COL28A1: variants seen among roughly 807,000 people sequenced by gnomAD.
COL28A1 encodes the protein collagen type XXVIII alpha 1 chain.
COL28A1 carries 161 observed loss-of-function variants against 150.2 expected under a neutral mutation model. That is an observed-to-expected ratio of 1.07 (90% CI 0.94 to 1.22). The LOEUF is 1.22. Ranked by LOEUF, COL28A1 falls within the 50% of genes most tolerant of loss-of-function variation. The pLI is 0.00. For missense variants in COL28A1, 1,617 were observed against 1,388.3 expected (o/e 1.16, Z -2.62); for synonymous variants, 552 against 469.7 (o/e 1.18, Z -2.26).
chr7:7,419,333 C>G (rs978999274), intron 26 of COL28A1, among the ~76,000 whole-genome samples: 9 of 152,002 alleles, frequency 5.9e-5, no homozygotes, highest in South Asian at 2.1e-4. Flanking sequence ...TTCTCTGAAG[C>G]CAGGGAAGGG....
At chr7:7,471,368 A>G (rs1338900086) in intron 15 of COL28A1, among the ~76,000 whole-genome samples, 2 of 152,196 alleles carry the variant, frequency 1.3e-5, no homozygotes, top group Non-Finnish European at 2.9e-5. Flanking sequence ...GAATCATTCT[A>G]TGAAGCCAGT....
At chr7:7,343,991 G>A in the COL28A1 span, among the ~76,000 whole-genome samples, 2 of 151,646 alleles carry the variant, frequency 1.3e-5, no homozygotes, top group Non-Finnish European at 2.9e-5. Context: ...GGGTGACAGA[G>A]TGAGACCCTA....
At chr7:7,379,121 G>A (rs950617271) in intron 30 of COL28A1, among the ~76,000 whole-genome samples, 1 of 152,176 alleles carries the variant, frequency 6.6e-6, no homozygotes, top group African/African-American at 2.4e-5. Flanking sequence ...TGGCCCCAAG[G>A]ACTTCTAACC....
chr7:7,410,288 T>A (rs1783708720), intron 27 of COL28A1, among the ~76,000 whole-genome samples: 3 of 152,308 alleles, frequency 2.0e-5, no homozygotes, highest in South Asian at 4.1e-4. Context: ...ACGCTTTCAA[T>A]GTCTATAACC....
At chr7:7,390,246 C>T (rs4452714) in intron 27 of COL28A1, among the ~76,000 whole-genome samples, 115,017 of 152,034 alleles carry the variant, frequency 0.76, 43,652 homozygotes, top group Middle Eastern at 0.8. Flanking sequence ...TCTATTGAGA[C>T]AATCATGTGG....
the COL28A1 span, among the ~76,000 whole-genome samples, chr7:7,341,159 A>G: frequency 2.6e-5 from 4 of 151,932 alleles, no homozygotes; most frequent in African/African-American, 9.7e-5. Context: ...AAATTATACG[A>G]CTCCAGACAC....
intron 14 of COL28A1, among the ~76,000 whole-genome samples, chr7:7,475,484 C>T (rs74747962): frequency 2.0e-5 from 3 of 152,236 alleles, no homozygotes; most frequent in African/African-American, 7.2e-5. Context: ...GCACGGAACA[C>T]GATGTGTTCT....
chr7:7,494,443 T>A (rs2128373692), intron 11 of COL28A1, among the ~76,000 whole-genome samples: 1 of 152,328 alleles, frequency 6.6e-6, no homozygotes, highest in African/African-American at 2.4e-5. Context: ...ACTAACAATT[T>A]TAGCTTTTGC....
chr7:7,516,954 T>C (rs562326517), intron 7 of COL28A1, among the ~76,000 whole-genome samples: 1 of 152,082 alleles, frequency 6.6e-6, no homozygotes, highest in Non-Finnish European at 1.5e-5. Context: ...GTGTGGTCAA[T>C]GAGGAATAGA....
At chr7:7,500,878 G>A (rs1159138894) in intron 11 of COL28A1, among the ~76,000 whole-genome samples, 1 of 152,158 alleles carries the variant, frequency 6.6e-6, no homozygotes, top group African/African-American at 2.4e-5. Flanking sequence ...AAAAACTGTG[G>A]TGTGGTGCAA....
chr7:7,380,341 T>G (rs921622971), intron 30 of COL28A1, among the ~76,000 whole-genome samples: 1 of 152,154 alleles, frequency 6.6e-6, no homozygotes, highest in African/African-American at 2.4e-5. Flanking sequence ...TAAATTAAAG[T>G]CATTTGGTAA....
At position 7,440,861 on chromosome 7, in the gene COL28A1, C is replaced by A. The variant is rs1342252819; in HGVS notation, c.1651G>T (p.Gly551Cys). ...TTGCTCCCTTTCTTGCCTTCGTCAC[C>A]CTAACAAAATAATTATGAAAATATA... is the stretch of plus-strand genomic sequence containing the variant. ...PPGKGQPGPK[G>C]DEGKKGSKGN... is the part of the protein sequence containing the mutation. Residue 551 changes from glycine (G) to cysteine (C), a missense_variant and splice_region_variant, in exon 21 of 35, where the codon GGT becomes TGT. Transcript: ENST00000399429. The A allele has an allele frequency of 3.4e-6, 5 of 1,463,232 alleles. No homozygotes were observed. In the South Asian group the frequency reaches 5.7e-5, roughly 17 times the overall value. 90.6% of individuals were successfully genotyped at this position (1,463,232 alleles called of 1,614,324 possible).
intron 25 of COL28A1, among the ~76,000 whole-genome samples, chr7:7,430,721 GATA>G (rs1176828121): frequency 6.6e-6 from 1 of 152,058 alleles, no homozygotes; most frequent in East Asian, 1.9e-4. Context: ...CACAGCGTAA[GATA>G]ATGAGGTTTA....
At chr7:7,385,667 G>A (rs1028786971) in intron 27 of COL28A1, among the ~76,000 whole-genome samples, 3 of 152,098 alleles carry the variant, frequency 2.0e-5, no homozygotes, top group Non-Finnish European at 4.4e-5. Context: ...AGCATGACAC[G>A]TGCCTGAGGG....
chr7:7,411,572 C>G (rs765458422), intron 27 of COL28A1, among the ~76,000 whole-genome samples: 1 of 152,118 alleles, frequency 6.6e-6, no homozygotes, highest in Non-Finnish European at 1.5e-5. Flanking sequence ...TCCTGCTCAT[C>G]TCTCCCCAGC....
intron 11 of COL28A1, among the ~76,000 whole-genome samples, chr7:7,497,866 T>C (rs961489793): frequency 3.9e-5 from 6 of 152,224 alleles, no homozygotes; most frequent in African/African-American, 1.4e-4. Flanking sequence ...AATCTACATA[T>C]AAACTGGTAA....
chr7:7,361,123 T>C (rs1391366497), intron 33 of COL28A1, among the ~76,000 whole-genome samples: 2 of 152,202 alleles, frequency 1.3e-5, no homozygotes, highest in Non-Finnish European at 1.5e-5. Flanking sequence ...TGCTCTATTA[T>C]CAGACCCCAG....
intron 15 of COL28A1, among the ~76,000 whole-genome samples, chr7:7,464,071 A>C (rs1183158396): frequency 6.6e-6 from 1 of 152,266 alleles, no homozygotes; most frequent in Non-Finnish European, 1.5e-5. Context: ...AAAGAAGGTC[A>C]TTATATAATG....
chr7:7,423,219 G>A (rs887134994), intron 25 of COL28A1, among the ~76,000 whole-genome samples: 4 of 152,194 alleles, frequency 2.6e-5, no homozygotes, highest in African/African-American at 4.8e-5. Flanking sequence ...GTGAGGGGAG[G>A]AGTGAAGAAT....
Sources: gnomAD v4.1 joint callset for allele counts (sites outside exome capture counted in the v4.1 genomes callset) on GRCh38, gnomAD v4.1.1 for gene constraint, MANE v1.5 for transcripts, NCBI Gene and HGNC (gene_info 2026-07-23, HGNC 2026-07-21) for gene names.